AGAP1: variants seen among roughly 807,000 people sequenced by gnomAD.
AGAP1 encodes ArfGAP with GTPase domain, ankyrin repeat and PH domain 1.
Under a neutral mutation model 105.3 loss-of-function variants are expected in AGAP1, and 29 were observed. The ratio of observed to expected loss-of-function variants is 0.28; its 90% CI spans 0.21 to 0.38. AGAP1 has a LOEUF of 0.38. Ranked by LOEUF, AGAP1 falls within the 10% of genes least tolerant of loss-of-function variation. The pLI is 1.00. For synonymous variants in AGAP1, 509 were observed against 485.9 expected (o/e 1.05, Z -0.63); for missense variants, 998 against 1,165.1 (o/e 0.86, Z 2.09).
At position 236,042,945 on chromosome 2, in the gene AGAP1, C is replaced by T. The variant is rs1168427898; in HGVS notation, c.1891+2104C>T. On this transcript the variant is annotated intron_variant, in intron 15 of 17. Transcript: ENST00000304032. The surrounding 1 kb of genome is among the most constrained non-coding windows in gnomAD (Gnocchi z 5.6). The stretch of plus-strand genomic sequence containing the variant: ...CCCTAGTAGTTGGTGCCCCTGTGGG[C>T]CCCACTTAAAGGGGAGGAATTGAGG... Among the ~76,000 whole-genome samples, 2 of 152,214 alleles carry T rather than the reference C, an allele frequency of 1.3e-5. No individual in the cohort carries two copies. Among genetic ancestry groups the T allele is most frequent in the South Asian group, 2.1e-4 (1 of 4,826 alleles).
chr2:235,745,747 G>A (rs1056112379), intron 5 of AGAP1, among the ~76,000 whole-genome samples: 11 of 152,208 alleles, frequency 7.2e-5, no homozygotes, highest in African/African-American at 2.2e-4. Context: ...CACTAGGTGT[G>A]GTCTAAGTAG....
At position 235,578,333 on chromosome 2, in the gene AGAP1, C is replaced by T. The variant is rs1574888970; in HGVS notation, c.163+83484C>T. ...AACCTAAGAACCACAATGCCTGTTC[C>T]CCTTACCTGCCCCCAGGTGTCCTGG... On this transcript the variant is annotated intron_variant, in intron 1 of 17. Transcript: ENST00000304032. This position sits in a 1 kb window ranked among gnomAD's most constrained non-coding sequence, Gnocchi z 4.9. Among the ~76,000 whole-genome samples, 1 of 152,300 alleles carries T rather than the reference C, an allele frequency of 6.6e-6. No individual in the cohort carries two copies. The highest frequency in any genetic ancestry group is 2.1e-4 in the South Asian group (1 of 4,832).
intron 9 of AGAP1, among the ~76,000 whole-genome samples, chr2:235,807,558 C>T (rs1369295805): frequency 6.6e-6 from 1 of 152,206 alleles, no homozygotes; most frequent in African/African-American, 2.4e-5. Context: ...GCGGGCTGCC[C>T]GCCTGCATAT....
At chr2:235,781,901 A>G (rs748712843) in intron 6 of AGAP1, among the ~76,000 whole-genome samples, 2 of 152,172 alleles carry the variant, frequency 1.3e-5, no homozygotes, top group South Asian at 4.1e-4. Context: ...TTCCTTTTGT[A>G]GAATCAAGGA....
intron 3 of AGAP1, among the ~76,000 whole-genome samples, chr2:235,726,420 A>G (rs945585275): frequency 2.6e-5 from 4 of 152,264 alleles, no homozygotes; most frequent in Non-Finnish European, 5.9e-5. Flanking sequence ...TAGAGCCTAG[A>G]AAGTTTCACG....
intron 2 of AGAP1, among the ~76,000 whole-genome samples, chr2:235,715,263 G>A (rs1951043077): frequency 6.6e-6 from 1 of 152,136 alleles, no homozygotes; most frequent in South Asian, 2.1e-4. Context: ...CCAGGACTTT[G>A]TTGGAGCCAG....
At chr2:236,116,357 C>CTTTTTTTTTGTTT (rs2059769575) in intron 16 of AGAP1, among the ~76,000 whole-genome samples, 1 of 129,082 alleles carries the variant, frequency 7.7e-6, no homozygotes, top group Admixed American at 7.9e-5. Context: ...TAATTAAGTT[C>CTTTTTTTTTGTTT]TTTTTTTTTT....
chr2:235,755,044 T>C (rs116643706), intron 6 of AGAP1, among the ~76,000 whole-genome samples: 3,183 of 152,180 alleles, frequency 0.021, 95 homozygotes, highest in African/African-American at 0.066. Context: ...GGACGTGGGC[T>C]GTGGGTACCC....
At chr2:235,903,155 AT>A (rs2051144758) in intron 10 of AGAP1, among the ~76,000 whole-genome samples, 1 of 152,156 alleles carries the variant, frequency 6.6e-6, no homozygotes, top group Middle Eastern at 3.2e-3. Flanking sequence ...AAAATATTAT[AT>A]TTCTCAACAT....
chr2:235,618,679 T>C (rs374719038), intron 1 of AGAP1, among the ~76,000 whole-genome samples: 5 of 152,228 alleles, frequency 3.3e-5, no homozygotes, highest in African/African-American at 1.2e-4. Context: ...ATAGTGGCTG[T>C]TAATAATTAT....
intron 13 of AGAP1, among the ~76,000 whole-genome samples, chr2:235,985,427 T>A (rs954433968): frequency 6.6e-6 from 1 of 152,238 alleles, no homozygotes; most frequent in African/African-American, 2.4e-5. Flanking sequence ...ATAGTTTCTT[T>A]TGCTTTGCAG....
chr2:235,840,366 A>AT (rs1960673157), intron 9 of AGAP1, among the ~76,000 whole-genome samples: 1 of 152,258 alleles, frequency 6.6e-6, no homozygotes, highest in South Asian at 2.1e-4. Flanking sequence ...ACATTTATGT[A>AT]GGGGCAGAGA....
At chr2:236,047,351 G>A (rs182230635) in intron 15 of AGAP1, among the ~76,000 whole-genome samples, 5 of 152,022 alleles carry the variant, frequency 3.3e-5, no homozygotes, top group African/African-American at 4.8e-5. Context: ...AGGCACAGGC[G>A]AGGAGGGGTC....
chr2:235,935,017 G>A (rs953707296), intron 12 of AGAP1, among the ~76,000 whole-genome samples: 2 of 152,140 alleles, frequency 1.3e-5, no homozygotes, highest in African/African-American at 4.8e-5. Context: ...TAATTAGATA[G>A]ATTCCTTTGT....
At chr2:236,059,250 G>A (rs902350197) in intron 16 of AGAP1, among the ~76,000 whole-genome samples, 8 of 151,916 alleles carry the variant, frequency 5.3e-5, no homozygotes, top group South Asian at 4.2e-4. Context: ...TTTACAAATA[G>A]CATCAAAAAG....
chr2:235,572,796 T>TGTGTGCTCAGC (rs1491241402), intron 1 of AGAP1, among the ~76,000 whole-genome samples: 1 of 152,214 alleles, frequency 6.6e-6, no homozygotes, highest in Non-Finnish European at 1.5e-5. Flanking sequence ...GAGGACCTAC[T>TGTGTGCTCAGC]GTGTGCTCAG....
intron 16 of AGAP1, among the ~76,000 whole-genome samples, chr2:236,077,229 A>T (rs1559252413): frequency 6.6e-6 from 1 of 150,380 alleles, no homozygotes; most frequent in Non-Finnish European, 1.5e-5. Flanking sequence ...CCTCTGCAAC[A>T]TTTGTGAAAA....
In AGAP1 at chr2:235,659,004, A is replaced by G. The variant is rs540667050; in HGVS notation, c.164-50175A>G. On this transcript the variant is annotated intron_variant, in intron 1 of 17. Transcript: ENST00000304032. The surrounding 1 kb of genome is among the most constrained non-coding windows in gnomAD (Gnocchi z 5.0). ...TGCTCTCACTCTGAAGCAGCCCAGC[A>G]GCATGTACAGCACTTGCTTTCCTTT... Among the ~76,000 whole-genome samples the G allele has an allele frequency of 7.2e-5, 11 of 152,280 alleles. No homozygotes were observed. Among genetic ancestry groups the G allele is most frequent in the Non-Finnish European group, 1.3e-4 (9 of 68,024 alleles).
At chr2:235,534,484 C>G (rs1687827695) in intron 1 of AGAP1, among the ~76,000 whole-genome samples, 1 of 152,152 alleles carries the variant, frequency 6.6e-6, no homozygotes, top group South Asian at 2.1e-4. Flanking sequence ...TTTACTAGAT[C>G]TGGTGTTTTT....
Sources: gnomAD v4.1 joint callset for allele counts (sites outside exome capture counted in the v4.1 genomes callset) on GRCh38, gnomAD v4.1.1 for gene constraint, Gnocchi (gnomAD v3.1) non-coding constraint, MANE v1.5 for transcripts, NCBI Gene and HGNC (gene_info 2026-07-23, HGNC 2026-07-21) for gene names.